The following GNA12 variants were observed in gnomAD, a reference collection of about 807,000 sequenced individuals.
GNA12 encodes the protein guanine nucleotide-binding protein subunit alpha-12.
A neutral mutation model predicts 26.0 loss-of-function variants in GNA12; 9 were observed. The observed-to-expected ratio is 0.35, with a 90% CI of 0.21 to 0.60. The LOEUF (loss-of-function observed/expected upper bound fraction) is 0.60, where lower values mean the gene tolerates loss of function less well. Among genes scored for constraint, GNA12 ranks in the 20% least tolerant of loss-of-function variants. The probability of loss-of-function intolerance (pLI) is 0.78; values close to 1 mark genes in which losing one functional copy is unlikely to be tolerated. For missense variants in GNA12, 405 were observed against 525.8 expected, an observed-to-expected ratio of 0.77 and a Z score of 2.25; for synonymous variants, 264 against 219.6, an observed-to-expected ratio of 1.20 and a Z score of -1.79.
chr7:2,799,073 G>A (rs1421214794), intron 1 of GNA12, among the ~76,000 whole-genome samples: 2 of 152,196 alleles, frequency 1.3e-5, no homozygotes, highest in Admixed American at 1.3e-4. Context: ...GATGTAGGGT[G>A]TGCTCAAAGT....
At chr7:2,842,685 C>T (rs148318242) in intron 1 of GNA12, among the ~76,000 whole-genome samples, 1 of 152,256 alleles carries the variant, frequency 6.6e-6, no homozygotes, top group Non-Finnish European at 1.5e-5. Context: ...CAATGCATGT[C>T]GAGTCACACA....
At chr7:2,795,627 CAA>C (rs11412223) in intron 1 of GNA12, among the ~76,000 whole-genome samples, 6 of 117,502 alleles carry the variant, frequency 5.1e-5, no homozygotes, top group Middle Eastern at 4.4e-3. Context: ...GACCCTGTTT[CAA>C]AAAAAAAAAA....
At chr7:2,780,432 G>A (rs560504814) in intron 2 of GNA12, among the ~76,000 whole-genome samples, 9 of 151,950 alleles carry the variant, frequency 5.9e-5, no homozygotes, top group African/African-American at 1.9e-4. Context: ...TGCACTAACC[G>A]ATAAAATAGC....
At chr7:2,817,579 T>C (rs1793246315) in intron 1 of GNA12, among the ~76,000 whole-genome samples, 1 of 152,222 alleles carries the variant, frequency 6.6e-6, no homozygotes, top group Admixed American at 6.5e-5. Flanking sequence ...CTTCACTTAC[T>C]CATTATTTGT....
chr7:2,794,154 C>T (rs1031957922), intron 2 of GNA12, among the ~76,000 whole-genome samples: 9 of 152,026 alleles, frequency 5.9e-5, no homozygotes, highest in African/African-American at 9.7e-5. Context: ...TCAAGACTGT[C>T]GTGTTTACAA....
intron 1 of GNA12, among the ~76,000 whole-genome samples, chr7:2,833,605 T>G (rs569089033): frequency 1.3e-5 from 2 of 152,354 alleles, no homozygotes; most frequent in South Asian, 4.1e-4. Context: ...CTGGACTTAG[T>G]TAGCTGACGG....
intron 2 of GNA12, among the ~76,000 whole-genome samples, chr7:2,736,400 C>T (rs949642065): frequency 1.3e-5 from 2 of 151,860 alleles, no homozygotes; most frequent in African/African-American, 2.4e-5. Context: ...TTTCATTAGG[C>T]TGGGGCCAGC....
intron 2 of GNA12, among the ~76,000 whole-genome samples, chr7:2,741,882 T>C (rs1790524796): frequency 6.6e-6 from 1 of 150,930 alleles, no homozygotes; most frequent in Admixed American, 6.6e-5. Flanking sequence ...TACCACGTAT[T>C]AGACACCGAG....
intron 1 of GNA12, among the ~76,000 whole-genome samples, chr7:2,801,830 G>A (rs1378803197): frequency 3.9e-5 from 6 of 152,094 alleles, no homozygotes; most frequent in African/African-American, 1.4e-4. Flanking sequence ...GGGGACATTT[G>A]GCTAAATTCT....
At chr7:2,775,717 G>A (rs1415305577) in intron 2 of GNA12, among the ~76,000 whole-genome samples, 1 of 152,196 alleles carries the variant, frequency 6.6e-6, no homozygotes, top group Non-Finnish European at 1.5e-5. Context: ...AAAGCAGAGG[G>A]CCAGGCTCCG....
At chr7:2,772,559 CAAA>C (rs60736477) in intron 2 of GNA12, among the ~76,000 whole-genome samples, 1 of 113,852 alleles carries the variant, frequency 8.8e-6, no homozygotes. Context: ...GACTCCATCT[CAAA>C]AAAAAAAAAA....
intron 1 of GNA12, among the ~76,000 whole-genome samples, chr7:2,812,118 C>T (rs892587612): frequency 1.3e-5 from 2 of 152,238 alleles, no homozygotes; most frequent in Non-Finnish European, 2.9e-5. Flanking sequence ...CAACTCCTCA[C>T]CAAAAACCTT....
intron 2 of GNA12, among the ~76,000 whole-genome samples, chr7:2,761,994 C>G (rs984485687): frequency 6.6e-6 from 1 of 152,212 alleles, no homozygotes; most frequent in African/African-American, 2.4e-5. Context: ...CTAACCTCAC[C>G]GAGGCCTCCC....
intron 1 of GNA12, among the ~76,000 whole-genome samples, chr7:2,825,496 T>G (rs1396283725): frequency 6.6e-6 from 1 of 152,112 alleles, no homozygotes; most frequent in Non-Finnish European, 1.5e-5. Context: ...TCACATAATA[T>G]GAAGACGCCA....
chr7:2,840,676 T>C (rs559359397), intron 1 of GNA12, among the ~76,000 whole-genome samples: 3 of 152,032 alleles, frequency 2.0e-5, no homozygotes, highest in East Asian at 3.9e-4. Context: ...CTGGGCAACA[T>C]AGTGAGACCC....
rs553913567 is a variant in GNA12 at position 2,771,111 on chromosome 7, C to T, written c.525+23817G>A. Reference sequence around the variant, plus strand: ...TTCAAGACCAGCCTGACCAACATGGCGAAACCTCGTCTCTACTAAAAATAC... The same window carrying T: ...TTCAAGACCAGCCTGACCAACATGGTGAAACCTCGTCTCTACTAAAAATAC... On this transcript the variant is annotated intron_variant, in intron 2 of 3. Transcript: ENST00000275364. Among the ~76,000 whole-genome samples, 12 of 152,048 alleles carry T rather than the reference C, an allele frequency of 7.9e-5. No homozygotes were observed. In the East Asian group the frequency reaches 1.6e-3, roughly 20 times the overall value.
chr7:2,762,644 A>G (rs1329196727), intron 2 of GNA12: 1 of 1,597,870 alleles, frequency 6.3e-7, no homozygotes, highest in African/African-American at 1.3e-5. Context: ...TGAAGCACAG[A>G]GCGGCAGGAC....
chr7:2,786,053 C>T (rs780454268), intron 2 of GNA12, among the ~76,000 whole-genome samples: 17 of 152,096 alleles, frequency 1.1e-4, no homozygotes, highest in Non-Finnish European at 2.1e-4. Flanking sequence ...GGTGACACAG[C>T]GAGATTCCGT....
chr7:2,790,182 T>C (rs994443132), intron 2 of GNA12, among the ~76,000 whole-genome samples: 3 of 152,220 alleles, frequency 2.0e-5, no homozygotes, highest in African/African-American at 7.2e-5. Context: ...AAAGCACCTC[T>C]GACCTCCTCC....
Sources: gnomAD v4.1 joint callset for allele counts (sites outside exome capture counted in the v4.1 genomes callset) on GRCh38, gnomAD v4.1.1 for gene constraint, MANE v1.5 for transcripts, NCBI Gene and HGNC (gene_info 2026-07-23, HGNC 2026-07-21) for gene names.